GRIN2B: variants seen among roughly 807,000 people sequenced by gnomAD.
GRIN2B encodes glutamate ionotropic receptor NMDA type subunit 2B, also known as glutamate receptor ionotropic, NMDA 2B.
A neutral mutation model predicts 114.5 loss-of-function variants in GRIN2B; 5 were observed. That is an observed-to-expected ratio of 0.04 (90% CI 0.02 to 0.09). The LOEUF (loss-of-function observed/expected upper bound fraction) is 0.09, where lower values mean the gene tolerates loss of function less well. Among genes scored for constraint, GRIN2B ranks in the 10% least tolerant of loss-of-function variants. The pLI is 1.00. For synonymous variants in GRIN2B, 787 were observed against 745.1 expected (o/e 1.06, Z -0.92); for missense variants, 1,108 against 1,943.5 (o/e 0.57, Z 8.08).
intron 5 of GRIN2B, among the ~76,000 whole-genome samples, chr12:13,661,906 A>G (rs1949927362): frequency 6.6e-6 from 1 of 152,184 alleles, no homozygotes; most frequent in Admixed American, 6.5e-5. Context: ...CGATGGCCCA[A>G]AAGTAGTCTG....
intron 2 of GRIN2B, among the ~76,000 whole-genome samples, chr12:13,903,074 T>C (rs1866481186): frequency 6.6e-6 from 1 of 152,274 alleles, no homozygotes; most frequent in African/African-American, 2.4e-5. Flanking sequence ...TTATTTCATG[T>C]AGCACTTCTA....
intron 2 of GRIN2B, among the ~76,000 whole-genome samples, chr12:13,908,396 A>G (rs1284991968): frequency 6.6e-6 from 1 of 152,204 alleles, no homozygotes; most frequent in African/African-American, 2.4e-5. Flanking sequence ...TAGCTGATGT[A>G]TGGCATCAGC....
At chr12:13,951,476 C>T (rs966122811) in intron 2 of GRIN2B, among the ~76,000 whole-genome samples, 3 of 152,200 alleles carry the variant, frequency 2.0e-5, no homozygotes, top group Non-Finnish European at 4.4e-5. Context: ...GGCAAATTAG[C>T]TTGTCTTGTT....
intron 2 of GRIN2B, among the ~76,000 whole-genome samples, chr12:13,960,250 G>T (rs1565601325): frequency 6.6e-6 from 1 of 152,152 alleles, no homozygotes; most frequent in Non-Finnish European, 1.5e-5. Context: ...TTTATAATAT[G>T]CCAGGTACTG....
At position 13,706,549 on chromosome 12, in the gene GRIN2B, G is replaced by A. The variant is rs138063832; in HGVS notation, c.1011-30690C>T. On this transcript the variant is annotated intron_variant, in intron 4 of 13. Transcript: ENST00000609686. The stretch of plus-strand genomic sequence containing the variant: ...ATCTAAAGCCCCAGCTTTATGCCAT[G>A]TTGCTGTATGGACAGCAGTAGTCCC... Among the ~76,000 whole-genome samples, 502 of 152,182 alleles carry A rather than the reference G, an allele frequency of 3.3e-3. 3 individuals are homozygous for A. The highest frequency in any genetic ancestry group is 5.7e-3 in the Non-Finnish European group (386 of 68,000).
chr12:13,972,647 C>T (rs1029430817), intron 2 of GRIN2B, among the ~76,000 whole-genome samples: 1 of 152,220 alleles, frequency 6.6e-6, no homozygotes, highest in African/African-American at 2.4e-5. Context: ...AAATGAGGGT[C>T]AGTGGACGTG....
At chr12:13,971,603 C>A (rs1163472307) in intron 2 of GRIN2B, among the ~76,000 whole-genome samples, 1 of 152,124 alleles carries the variant, frequency 6.6e-6, no homozygotes, top group Non-Finnish European at 1.5e-5. Flanking sequence ...CACCCCTCAC[C>A]AATCAATCAA....
chr12:13,972,849 A>T (rs558262070), intron 2 of GRIN2B, among the ~76,000 whole-genome samples: 1 of 152,216 alleles, frequency 6.6e-6, no homozygotes, highest in Non-Finnish European at 1.5e-5. Flanking sequence ...AATGCATTTA[A>T]GATTTTGGGG....
At position 13,595,890 on chromosome 12, in the gene GRIN2B, G is replaced by A. The variant is rs1023620506; in HGVS notation, c.2010+12713C>T. ...AGGATAAAAAGAAAAGCAGAAAATTGCTCAGTGCTCCAAGTCAAAACCACA... is the reference window on the plus strand; with the variant it reads ...AGGATAAAAAGAAAAGCAGAAAATTACTCAGTGCTCCAAGTCAAAACCACA... On this transcript the variant is annotated intron_variant, in intron 10 of 13. Transcript: ENST00000609686. Among the ~76,000 whole-genome samples the A allele has an allele frequency of 2.0e-5, 3 of 152,260 alleles. No individual in the cohort carries two copies. In the East Asian group the frequency reaches 5.8e-4, roughly 29 times the overall value.
chr12:13,831,490 G>A (rs1240652075), intron 3 of GRIN2B, among the ~76,000 whole-genome samples: 1 of 152,128 alleles, frequency 6.6e-6, no homozygotes, highest in African/African-American at 2.4e-5. Context: ...TCACAGAAGA[G>A]GTTACTAAAA....
chr12:13,799,749 A>G (rs940075000), intron 3 of GRIN2B, among the ~76,000 whole-genome samples: 3 of 152,092 alleles, frequency 2.0e-5, no homozygotes, highest in African/African-American at 7.2e-5. Context: ...GGTCAGGAGC[A>G]TGGTGGATTG....
At chr12:13,951,303 T>C (rs1043995735) in intron 2 of GRIN2B, among the ~76,000 whole-genome samples, 2 of 151,988 alleles carry the variant, frequency 1.3e-5, no homozygotes, top group Non-Finnish European at 2.9e-5. Context: ...AGAAATGAAA[T>C]AGAAACACTG....
chr12:13,816,794 T>C (rs1864831129), intron 3 of GRIN2B, among the ~76,000 whole-genome samples: 1 of 152,240 alleles, frequency 6.6e-6, no homozygotes, highest in Non-Finnish European at 1.5e-5. Context: ...CAAAGATGAT[T>C]TTAAAATTCA....
intron 4 of GRIN2B, among the ~76,000 whole-genome samples, chr12:13,713,932 T>C (rs574140075): frequency 6.6e-6 from 1 of 151,982 alleles, no homozygotes; most frequent in South Asian, 2.1e-4. Context: ...TCCTAAGGAC[T>C]TTGCTCCTTT....
rs193196773 is a variant in GRIN2B at position 13,872,225 on chromosome 12, G to A, written c.-18-5999C>T. On this transcript the variant is annotated intron_variant, in intron 2 of 13. Coordinates refer to ENST00000609686, the MANE Select transcript of GRIN2B (RefSeq NM_000834.5). ...AAAAACCTTAAAAATTAGTGGCCAG[G>A]CACGGTGGCTCACACCTGTAATCCC... 4.0e-3 allele frequency among the ~76,000 whole-genome samples: 607 copies of A among 152,010 alleles called. 7 individuals carry two copies. The highest frequency in any genetic ancestry group is 0.013 in the African/African-American group (560 of 41,506).
At chr12:13,591,579 G>A (rs964971600) in intron 10 of GRIN2B, among the ~76,000 whole-genome samples, 2 of 152,106 alleles carry the variant, frequency 1.3e-5, no homozygotes, top group Admixed American at 6.6e-5. Flanking sequence ...AGTAGAGGTA[G>A]CATCTACCTA....
rs1020953125 is a variant in GRIN2B at position 13,539,485 on chromosome 12, A to G, written c.*23298T>C. The stretch of plus-strand genomic sequence containing the variant: ...TTGGATAATTTAGCAATCAAGGTAT[A>G]GAAAGAGAGATCATTTAGAATCCAT... On this transcript the variant is annotated 3_prime_UTR_variant, in exon 14 of 14. Transcript: ENST00000609686. 2 of 152,228 alleles carry G rather than the reference A, an allele frequency of 1.3e-5. No individual in the cohort carries two copies. Among genetic ancestry groups the G allele is most frequent in the Admixed American group, 1.3e-4 (2 of 15,286 alleles). 9.4% of individuals were successfully genotyped at this position (152,228 alleles called of 1,614,324 possible).
Position 13,781,243 on chromosome 12 carries a change from A to G in GRIN2B, c.412-27328T>C, listed in dbSNP as rs185639932. 5.3e-5 allele frequency among the ~76,000 whole-genome samples: 8 copies of G among 152,338 alleles called. No homozygotes were observed. In the East Asian group the frequency reaches 1.5e-3, roughly 29 times the overall value. ...GGCAAGAATCAAACTTCAAAAATAC[A>G]TGGGTAGGCACGAAAGTTGAGATCA... is the stretch of plus-strand genomic sequence containing the variant. On this transcript the variant is annotated intron_variant, in intron 3 of 13. Transcript: ENST00000609686.
chr12:13,606,684 A>C (rs1949253480), intron 10 of GRIN2B, among the ~76,000 whole-genome samples: 1 of 152,188 alleles, frequency 6.6e-6, no homozygotes, highest in Non-Finnish European at 1.5e-5. Context: ...TCCAGGTTAC[A>C]GAAACAGTCA....
Sources: gnomAD v4.1 joint callset for allele counts (sites outside exome capture counted in the v4.1 genomes callset) on GRCh38, gnomAD v4.1.1 for gene constraint, MANE v1.5 for transcripts, NCBI Gene and HGNC (gene_info 2026-07-23, HGNC 2026-07-21) for gene names.